ZNF385D: variants seen among roughly 807,000 people sequenced by gnomAD.
ZNF385D encodes the protein zinc finger protein 385D.
In ZNF385D, 15 loss-of-function variants were observed where a neutral mutation model predicts 35.8. That is an observed-to-expected ratio of 0.42 (90% CI 0.28 to 0.64). The LOEUF (loss-of-function observed/expected upper bound fraction) is 0.64, where lower values mean the gene tolerates loss of function less well. Ranked by LOEUF, ZNF385D falls within the 30% of genes least tolerant of loss-of-function variation. ZNF385D has a pLI of 0.23. For missense variants in ZNF385D, 474 were observed against 494.6 expected (o/e 0.96, Z 0.39); for synonymous variants, 212 against 186.8 (o/e 1.13, Z -1.10).
intron 3 of ZNF385D, among the ~76,000 whole-genome samples, chr3:22,108,556 T>C (rs1480680542): frequency 6.6e-6 from 1 of 152,168 alleles, no homozygotes; most frequent in Non-Finnish European, 1.5e-5. Context: ...CTAAGGATTT[T>C]ACATCTGGAT....
rs183959463 is a variant in ZNF385D, at chr3:22,049,346, G to A, written c.325+119471C>T. Among the ~76,000 whole-genome samples the A allele has an allele frequency of 3.3e-4, 36 of 107,898 alleles. 1 individual carries two copies. Among genetic ancestry groups the A allele is most frequent in the Admixed American group, 2.2e-3 (23 of 10,248 alleles). The allele number at this position is 107,898 out of a possible 152,430, so 70.8% of individuals were successfully genotyped here. On this transcript the variant is annotated intron_variant, in intron 3 of 5. Coordinates refer to the ZNF385D transcript ENST00000494108. ...ATAAAATAAAATAAATAAAAAATGC[G>A]GTTAATTTTTGTTGATATTTATCCT...
At chr3:22,264,293 TCAGC>T (rs1038975776) in intron 2 of ZNF385D, among the ~76,000 whole-genome samples, 9 of 151,990 alleles carry the variant, frequency 5.9e-5, no homozygotes, top group Non-Finnish European at 1.3e-4. Flanking sequence ...GAATTAAAGG[TCAGC>T]AAGAGAAAGG....
chr3:22,075,551 G>C (rs549305672), intron 3 of ZNF385D, among the ~76,000 whole-genome samples: 1 of 151,778 alleles, frequency 6.6e-6, no homozygotes, highest in Non-Finnish European at 1.5e-5. Context: ...CATGCCCCTG[G>C]TTTTCTCTTC....
rs143636212 is a variant in ZNF385D, at chr3:21,781,820, T to C, written c.326-116792A>G. Among the ~76,000 whole-genome samples the C allele has an allele frequency of 8.3e-3, 1,095 of 132,358 alleles. 11 individuals carry two copies. Among genetic ancestry groups the C allele is most frequent in the Middle Eastern group, 0.036 (9 of 248 alleles). The allele number at this position is 132,358 out of a possible 152,430, so 86.8% of individuals were successfully genotyped here. On this transcript the variant is annotated intron_variant, in intron 3 of 5. Coordinates refer to the ZNF385D transcript ENST00000494108. ...TTCTTACAAGTAGATTTCTGGCCCA[T>C]AGGTCAAGGTGAATCAAATAATTGA...
intron 2 of ZNF385D, among the ~76,000 whole-genome samples, chr3:22,170,755 A>C (rs986882655): frequency 2.0e-5 from 3 of 152,148 alleles, no homozygotes; most frequent in Non-Finnish European, 4.4e-5. Flanking sequence ...CCAGGTTATA[A>C]TCAGAACATT....
chr3:22,026,347 G>A (rs1191995654), intron 3 of ZNF385D, among the ~76,000 whole-genome samples: 1 of 152,082 alleles, frequency 6.6e-6, no homozygotes, highest in Non-Finnish European at 1.5e-5. Flanking sequence ...TTTATGTGGT[G>A]AATCTTTCTC....
chr3:21,482,268 C>T (rs1158585273), intron 4 of ZNF385D, among the ~76,000 whole-genome samples: 2 of 151,334 alleles, frequency 1.3e-5, no homozygotes, highest in Non-Finnish European at 2.9e-5. Flanking sequence ...TAAAGGGTGA[C>T]CCATGGGTCA....
intron 2 of ZNF385D, among the ~76,000 whole-genome samples, chr3:21,639,059 G>T (rs973379246): frequency 5.9e-5 from 9 of 151,954 alleles, no homozygotes; most frequent in Admixed American, 5.9e-4. Context: ...TATGTAATCC[G>T]ACTCCCAATC....
At chr3:22,080,538 T>G (rs1397621653) in intron 3 of ZNF385D, among the ~76,000 whole-genome samples, 2 of 152,100 alleles carry the variant, frequency 1.3e-5, no homozygotes, top group Admixed American at 1.3e-4. Flanking sequence ...TTATTAACTT[T>G]ATAAACTCTT....
chr3:22,015,185 GCTTA>G (rs1265012561), intron 3 of ZNF385D, among the ~76,000 whole-genome samples: 7 of 152,050 alleles, frequency 4.6e-5, no homozygotes. Context: ...AAGCAAACCA[GCTTA>G]CTGTCAAGCA....
intron 3 of ZNF385D, among the ~76,000 whole-genome samples, chr3:22,150,294 G>A (rs977720192): frequency 6.6e-6 from 1 of 152,068 alleles, no homozygotes; most frequent in Non-Finnish European, 1.5e-5. Flanking sequence ...TTAACTGCCA[G>A]ATGGCTCCTA....
chr3:22,030,202 A>G (rs1232755746), intron 3 of ZNF385D, among the ~76,000 whole-genome samples: 2 of 141,434 alleles, frequency 1.4e-5, no homozygotes, highest in African/African-American at 5.3e-5. Context: ...CAGCTTGAAG[A>G]CAGCCTATTG....
chr3:22,178,703 G>A (rs1173305515), intron 2 of ZNF385D, among the ~76,000 whole-genome samples: 1 of 152,134 alleles, frequency 6.6e-6, no homozygotes, highest in Non-Finnish European at 1.5e-5. Flanking sequence ...TTCTTCTAGG[G>A]TTTTTATGGA....
rs1025215910 is a variant in ZNF385D at position 21,418,753 on chromosome 3, A to C, written c.*2461T>G. 1 of 152,222 alleles carries C rather than the reference A, an allele frequency of 6.6e-6. No homozygotes were observed. The highest frequency in any genetic ancestry group is 1.5e-5 in the Non-Finnish European group (1 of 68,040). The allele number at this position is 152,222 out of a possible 1,614,324, so 9.4% of individuals were successfully genotyped here. On this transcript the variant is annotated 3_prime_UTR_variant, in exon 8 of 8. Coordinates refer to ENST00000281523, the MANE Select transcript of ZNF385D (RefSeq NM_024697.3). ...TTTTAGTGAGACTGCTTTAATTAAC[A>C]CTAAGTTATCTAACAGAAAGTGAGG...
intron 3 of ZNF385D, among the ~76,000 whole-genome samples, chr3:21,928,083 C>G (rs9821392): frequency 0.75 from 114,517 of 151,852 alleles, 45,273 homozygotes; most frequent in East Asian, 0.98. Flanking sequence ...AGTTAGCCGG[C>G]TGTGGTGGTG....
intron 3 of ZNF385D, among the ~76,000 whole-genome samples, chr3:21,793,355 A>G (rs1168879997): frequency 6.6e-6 from 1 of 152,250 alleles, no homozygotes; most frequent in African/African-American, 2.4e-5. Flanking sequence ...CAGAAAAGTC[A>G]GCTCATTTGA....
At chr3:22,204,704 G>C (rs1387367492) in intron 2 of ZNF385D, among the ~76,000 whole-genome samples, 2 of 151,962 alleles carry the variant, frequency 1.3e-5, no homozygotes, top group African/African-American at 4.8e-5. Flanking sequence ...TTCTGGAATT[G>C]AAAAATGCAA....
intron 2 of ZNF385D, among the ~76,000 whole-genome samples, chr3:22,219,847 T>C (rs1207580761): frequency 6.6e-6 from 1 of 152,142 alleles, no homozygotes; most frequent in East Asian, 1.9e-4. Flanking sequence ...TTTTCCGGTT[T>C]CAGAGACTTT....
chr3:21,747,965 C>T (rs1025941744), intron 1 of ZNF385D, among the ~76,000 whole-genome samples: 1 of 152,026 alleles, frequency 6.6e-6, no homozygotes, highest in Non-Finnish European at 1.5e-5. Flanking sequence ...TACAGTAAAT[C>T]CCACTCAGGT....
Sources: allele counts gnomAD v4.1 joint callset (sites outside exome capture counted in the v4.1 genomes callset), GRCh38; gene constraint gnomAD v4.1.1; transcripts MANE v1.5; gene names NCBI Gene and HGNC (gene_info 2026-07-23, HGNC 2026-07-21).